ATE1: variants seen among roughly 807,000 people sequenced by gnomAD.
ATE1 encodes arginyltransferase 1, also known as arginyl-tRNA--protein transferase 1.
Under a neutral mutation model 70.5 loss-of-function variants are expected in ATE1, and 36 were observed. The ratio of observed to expected loss-of-function variants is 0.51; its 90% CI spans 0.39 to 0.67. The LOEUF is 0.67. ATE1 is among the 30% of genes least tolerant of loss of function. The probability of loss-of-function intolerance (pLI) is 0.00; values close to 1 mark genes in which losing one functional copy is unlikely to be tolerated. For synonymous variants in ATE1, 232 were observed against 219.3 expected (o/e 1.06, Z -0.51); for missense variants, 593 against 629.5 (o/e 0.94, Z 0.62).
intron 1 of ATE1, among the ~76,000 whole-genome samples, chr10:121,925,582 G>A (rs1462596438): frequency 6.6e-6 from 1 of 151,958 alleles, no homozygotes; most frequent in African/African-American, 2.4e-5. Flanking sequence ...AGGCATATCA[G>A]AACTAAAGGC....
intron 3 of ATE1, among the ~76,000 whole-genome samples, chr10:121,916,044 G>A (rs1951641867): frequency 6.6e-6 from 1 of 150,830 alleles, no homozygotes; most frequent in South Asian, 2.1e-4. Flanking sequence ...AGACCACCCT[G>A]GCTAACAAGG....
At chr10:121,922,449 T>A in intron 2 of ATE1, 38 bp from the exon 3 acceptor site, 1 of 1,313,936 alleles carries the variant, frequency 7.6e-7, no homozygotes, top group East Asian at 2.4e-5. Flanking sequence ...GTCTTATATA[T>A]TTTTCACTTG....
chr10:121,777,493 A>G (rs1408246028), intron 11 of ATE1, among the ~76,000 whole-genome samples: 1 of 149,404 alleles, frequency 6.7e-6, no homozygotes, highest in Non-Finnish European at 1.5e-5. Flanking sequence ...GTAAGAGCTA[A>G]GGAGATACAC....
At chr10:121,904,640 C>CA (rs778557337) in intron 5 of ATE1, among the ~76,000 whole-genome samples, 1,158 of 45,232 alleles carry the variant, frequency 0.026, 36 homozygotes, top group African/African-American at 0.035. Flanking sequence ...GACTCCGTCT[C>CA]AAAAAAAAAA....
chr10:121,887,539 CA>C (rs11323108), intron 7 of ATE1, among the ~76,000 whole-genome samples: 136,263 of 151,600 alleles, frequency 0.9, 61,398 homozygotes, highest in Middle Eastern at 0.96. Context: ...CGCCCCCCTA[CA>C]AAAAAAAATT....
chr10:121,841,171 A>T lies in ATE1; in HGVS notation c.1068T>A (p.Ile356=). 3 of 1,602,928 alleles carry T rather than the reference A, an allele frequency of 1.9e-6. No individual in the cohort carries two copies. The highest frequency in any genetic ancestry group is 1.7e-6 in the Non-Finnish European group (2 of 1,172,816). ...ATGATACACAGTTTGGGAGGATGTC[A>T]ATCACCCCCACAGCAATGATCTTTC... ...LDGKIIAVGV[I]DILPNCVSSV... The change falls in exon 9 of 12, where the codon ATT becomes ATA. Residue 356 remains isoleucine, a synonymous_variant. Coordinates refer to ENST00000224652, the MANE Select transcript of ATE1 (RefSeq NM_001001976.3).
At chr10:121,781,574 TC>T (rs1260834770) in intron 11 of ATE1, among the ~76,000 whole-genome samples, 15 of 152,144 alleles carry the variant, frequency 9.9e-5, no homozygotes, top group Non-Finnish European at 2.2e-4. Flanking sequence ...TGGTTTATTC[TC>T]CCTAGACCCT....
chr10:121,841,858 C>T (rs1590454337), intron 8 of ATE1, among the ~76,000 whole-genome samples: 1 of 152,098 alleles, frequency 6.6e-6, no homozygotes, highest in Non-Finnish European at 1.5e-5. Context: ...TCAGAAATCA[C>T]CACTAAAGGA....
chr10:121,913,720 C>T, intron 4 of ATE1, 70 bp downstream of exon 4: 1 of 1,090,668 alleles, frequency 9.2e-7, no homozygotes, highest in Non-Finnish European at 1.4e-6. Context: ...CTTCCCCTTC[C>T]CAAGATGACT....
chr10:121,844,552 T>C (rs1365200530), intron 8 of ATE1, among the ~76,000 whole-genome samples: 2 of 152,116 alleles, frequency 1.3e-5, no homozygotes, highest in Non-Finnish European at 2.9e-5. Context: ...GATCTCAACA[T>C]AAAAAAGAGC....
At chr10:121,834,707 G>A (rs1948370004) in intron 10 of ATE1, among the ~76,000 whole-genome samples, 1 of 151,670 alleles carries the variant, frequency 6.6e-6, no homozygotes, top group African/African-American at 2.4e-5. Context: ...TCCACGAATG[G>A]AAAAGAAGAA....
intron 4 of ATE1, among the ~76,000 whole-genome samples, chr10:121,912,745 CTT>C (rs78920278): frequency 2.9e-4 from 41 of 143,074 alleles, no homozygotes; most frequent in Non-Finnish European, 2.8e-4. Flanking sequence ...AACCTAATTC[CTT>C]TTTTTTTTTT....
intron 10 of ATE1, among the ~76,000 whole-genome samples, chr10:121,800,914 C>T (rs550398666): frequency 2.0e-5 from 3 of 152,246 alleles, no homozygotes; most frequent in South Asian, 2.1e-4. Flanking sequence ...CAGTGGAATC[C>T]CATCCACAAA....
intron 7 of ATE1, among the ~76,000 whole-genome samples, chr10:121,877,707 C>CAAT (rs1293701203): frequency 2.0e-5 from 3 of 152,138 alleles, no homozygotes; most frequent in African/African-American, 7.2e-5. Flanking sequence ...AACCCCAATA[C>CAAT]AATACTACTA....
intron 11 of ATE1, among the ~76,000 whole-genome samples, chr10:121,775,506 C>CTG (rs1945700997): frequency 6.6e-6 from 1 of 152,120 alleles, no homozygotes; most frequent in African/African-American, 2.4e-5. Context: ...ACACAAAGAT[C>CTG]TGTGCTACAG....
intron 7 of ATE1, among the ~76,000 whole-genome samples, chr10:121,895,453 C>T (rs774137075): frequency 6.6e-6 from 1 of 151,086 alleles, no homozygotes; most frequent in African/African-American, 2.4e-5. Flanking sequence ...ACTAAAAATA[C>T]AAAAAAACAA....
At chr10:121,900,472 T>C (rs1269682830) in intron 6 of ATE1, among the ~76,000 whole-genome samples, 1 of 152,220 alleles carries the variant, frequency 6.6e-6, no homozygotes, top group African/African-American at 2.4e-5. Context: ...CTTCATAGCA[T>C]AGTTAACAAC....
At chr10:121,918,783 C>G (rs1310156215) in intron 3 of ATE1, among the ~76,000 whole-genome samples, 1 of 140,932 alleles carries the variant, frequency 7.1e-6, no homozygotes, top group East Asian at 2.2e-4. Flanking sequence ...GCCAATCCAA[C>G]GGCCAGCTGG....
At chr10:121,847,292 T>TA (rs1948864198) in intron 8 of ATE1, among the ~76,000 whole-genome samples, 1 of 150,626 alleles carries the variant, frequency 6.6e-6, no homozygotes, top group East Asian at 2.0e-4. Flanking sequence ...ACTAAAAATA[T>TA]AAAAAATTAG....
Sources: gnomAD v4.1 joint callset for allele counts (sites outside exome capture counted in the v4.1 genomes callset) on GRCh38, gnomAD v4.1.1 for gene constraint, MANE v1.5 for transcripts, NCBI Gene and HGNC (gene_info 2026-07-23, HGNC 2026-07-21) for gene names.